Variants in OR9Q1 observed in about 807,000 individuals in gnomAD.
OR9Q1 encodes the protein olfactory receptor 9Q1.
For synonymous variants in OR9Q1, 153 were observed against 148.6 expected (o/e 1.03, Z -0.22); for missense variants, 374 against 378.8 (o/e 0.99, Z 0.11).
At chr11:58,156,634 TG>T (rs1302546583) in intron 2 of OR9Q1, among the ~76,000 whole-genome samples, 5 of 152,232 alleles carry the variant, frequency 3.3e-5, no homozygotes, top group Non-Finnish European at 5.9e-5. Flanking sequence ...ATTTTCTTTA[TG>T]ATAATAAACA....
At chr11:58,140,519 C>T (rs1590611624) in intron 2 of OR9Q1, among the ~76,000 whole-genome samples, 1 of 152,110 alleles carries the variant, frequency 6.6e-6, no homozygotes, top group Admixed American at 6.5e-5. Context: ...AGCCAGTTTT[C>T]CCAGCACCAT....
chr11:58,027,814 G>A (rs1395523353), intron 1 of OR9Q1, among the ~76,000 whole-genome samples: 2 of 152,196 alleles, frequency 1.3e-5, no homozygotes. Context: ...CAGCTTTTGA[G>A]AAACAAGAGC....
chr11:58,065,122 A>G (rs1457912716), intron 2 of OR9Q1, among the ~76,000 whole-genome samples: 1 of 152,180 alleles, frequency 6.6e-6, no homozygotes, highest in African/African-American at 2.4e-5. Flanking sequence ...CAGAGGGGCT[A>G]TGGAGTGGAC....
chr11:58,077,661 G>A (rs1023079570), intron 2 of OR9Q1: 3 of 152,174 alleles, frequency 2.0e-5, no homozygotes, highest in Non-Finnish European at 4.4e-5. Flanking sequence ...CCTAGTGCCA[G>A]CTATAATCAT....
intron 2 of OR9Q1, chr11:58,124,399 C>A (rs1354982886): frequency 3.3e-5 from 5 of 152,132 alleles, no homozygotes; most frequent in Non-Finnish European, 5.9e-5. Context: ...TCAGGAGGAA[C>A]CCTTTACAGA....
intron 2 of OR9Q1, among the ~76,000 whole-genome samples, chr11:58,147,737 A>G (rs1293609192): frequency 6.6e-6 from 1 of 152,190 alleles, no homozygotes; most frequent in African/African-American, 2.4e-5. Context: ...GGAATGGTGT[A>G]TGTTGTATTG....
chr11:58,025,514 T>C (rs1045470614), intron 1 of OR9Q1, among the ~76,000 whole-genome samples: 1 of 152,172 alleles, frequency 6.6e-6, no homozygotes, highest in African/African-American at 2.4e-5. Flanking sequence ...TCTCCCTTTT[T>C]GGAGAGAAGC....
At chr11:58,037,005 C>A (rs1019126971) in intron 1 of OR9Q1, among the ~76,000 whole-genome samples, 5 of 152,140 alleles carry the variant, frequency 3.3e-5, no homozygotes, top group African/African-American at 1.2e-4. Context: ...TGTTAATTAG[C>A]ATCATGTGTT....
intron 1 of OR9Q1, among the ~76,000 whole-genome samples, chr11:58,029,568 TTTAA>T (rs2119906545): frequency 6.6e-6 from 1 of 152,342 alleles, no homozygotes; most frequent in Non-Finnish European, 1.5e-5. Context: ...TATTTTCTCA[TTTAA>T]TTCTAAAATG....
intron 2 of OR9Q1, among the ~76,000 whole-genome samples, chr11:58,092,162 T>C (rs1441467195): frequency 2.0e-5 from 3 of 152,158 alleles, no homozygotes; most frequent in Non-Finnish European, 2.9e-5. Flanking sequence ...TTAATATTGT[T>C]ATGTGTGAAT....
intron 2 of OR9Q1, among the ~76,000 whole-genome samples, chr11:58,178,007 C>T (rs772184086): frequency 2.6e-5 from 4 of 152,068 alleles, no homozygotes; most frequent in Non-Finnish European, 4.4e-5. Flanking sequence ...GTTGAAAGTG[C>T]AGAGATGTAG....
intron 1 of OR9Q1, among the ~76,000 whole-genome samples, chr11:58,046,490 G>A (rs566273858): frequency 6.6e-6 from 1 of 152,304 alleles, no homozygotes; most frequent in South Asian, 2.1e-4. Context: ...TCAGTGAAGG[G>A]AGTGTTTAAC....
chr11:58,140,503 A>C (rs1297832282), intron 2 of OR9Q1, among the ~76,000 whole-genome samples: 1 of 152,266 alleles, frequency 6.6e-6, no homozygotes, highest in African/African-American at 2.4e-5. Flanking sequence ...CTTTCTACAT[A>C]TGGCTAGCCA....
intron 2 of OR9Q1, among the ~76,000 whole-genome samples, chr11:58,098,796 C>T (rs1280034563): frequency 2.0e-5 from 3 of 152,014 alleles, no homozygotes; most frequent in Non-Finnish European, 4.4e-5. Context: ...CTTCTTGAGT[C>T]GGAAGCTTGG....
intron 2 of OR9Q1, among the ~76,000 whole-genome samples, chr11:58,113,925 G>A (rs1853926228): frequency 6.6e-6 from 1 of 151,730 alleles, no homozygotes; most frequent in African/African-American, 2.4e-5. Flanking sequence ...GAAAGAGCTG[G>A]TCCTTGTGCT....
intron 1 of OR9Q1, among the ~76,000 whole-genome samples, chr11:58,032,155 T>A (rs1440963464): frequency 6.6e-6 from 1 of 152,170 alleles, no homozygotes; most frequent in African/African-American, 2.4e-5. Context: ...ATTGGAAGAA[T>A]CAATATCATT....
intron 2 of OR9Q1, among the ~76,000 whole-genome samples, chr11:58,097,830 T>C (rs2044856): frequency 0.39 from 59,282 of 152,112 alleles, 12,499 homozygotes; most frequent in East Asian, 0.67. Context: ...AAGATAATTA[T>C]GCTGAATAAA....
chr11:58,025,328 T>C (rs1203553390), intron 1 of OR9Q1, among the ~76,000 whole-genome samples: 2 of 152,110 alleles, frequency 1.3e-5, no homozygotes, highest in Non-Finnish European at 2.9e-5. Context: ...CGTGCTACTA[T>C]AGGGTGTGTC....
intron 1 of OR9Q1, among the ~76,000 whole-genome samples, chr11:58,027,513 C>T (rs994073518): frequency 3.3e-5 from 5 of 152,108 alleles, no homozygotes; most frequent in African/African-American, 9.7e-5. Flanking sequence ...GAATATGTGG[C>T]GGAAACTGCC....
Sources: allele counts gnomAD v4.1 joint callset (sites outside exome capture counted in the v4.1 genomes callset), GRCh38; gene constraint gnomAD v4.1.1; transcripts MANE v1.5; gene names NCBI Gene and HGNC (gene_info 2026-07-23, HGNC 2026-07-21).